The following HOXC12 variants were observed in gnomAD, a reference collection of about 807,000 sequenced individuals.
HOXC12 encodes homeobox C12.
In HOXC12, 24 loss-of-function variants were observed where a neutral mutation model predicts 20.9. That is an observed-to-expected ratio of 1.15 (90% CI 0.83 to 1.61). The LOEUF is 1.61. Among genes scored for constraint, HOXC12 ranks in the 40% most tolerant of loss-of-function variants. The pLI is 0.00. For missense variants in HOXC12, 436 were observed against 406.9 expected, an observed-to-expected ratio of 1.07 and a Z score of -0.62; for synonymous variants, 202 against 197.7, an observed-to-expected ratio of 1.02 and a Z score of -0.18.
chr12:53,955,315 C>A lies in HOXC12; in HGVS notation c.386C>A (p.Pro129Gln), dbSNP rs1022207251. 22 of 1,380,970 alleles carry A rather than the reference C, an allele frequency of 1.6e-5. No individual in the cohort carries two copies. The highest frequency in any genetic ancestry group is 3.1e-5 in the African/African-American group (2 of 65,490). 85.5% of individuals were successfully genotyped at this position (1,380,970 alleles called of 1,614,324 possible). A position where few individuals can be genotyped will look rare whatever the true frequency, so the allele number is the denominator to read the frequency against. Residue 129 changes from proline to glutamine, a missense_variant, in exon 1 of 2, where the codon CCG becomes CAG. By Grantham distance (76) the Pro-to-Gln change is moderately conservative. Coordinates refer to ENST00000243103, the MANE Select transcript of HOXC12 (RefSeq NM_173860.3). ...GPGAALLPLEPSGPPALGFKY... is the reference protein window; with the variant it reads ...GPGAALLPLEQSGPPALGFKY... ...GGGGCAGCGCTGCTCCCGCTGGAGC[C>A]GTCGGGGCCGCCTGCGCTCGGCTTC...
rs1938888778 is a variant in HOXC12, at chr12:53,957,578, CGGT to C, written c.*1013_*1015del. The C allele has an allele frequency of 4.0e-5, 4 of 100,674 alleles. No individual in the cohort carries two copies. Among genetic ancestry groups the C allele is most frequent in the Non-Finnish European group, 2.2e-5 (1 of 45,268 alleles). 6.2% of individuals were successfully genotyped at this position (100,674 alleles called of 1,614,324 possible). A position where few individuals can be genotyped will look rare whatever the true frequency, so the allele number is the denominator to read the frequency against. On this transcript the variant is annotated 3_prime_UTR_variant, in exon 2 of 2. Coordinates refer to ENST00000243103, the MANE Select transcript of HOXC12 (RefSeq NM_173860.3). The stretch of plus-strand genomic sequence containing the variant: ...ATTCTCCCTTCCCCGCTGGCGTTCA[CGGT>C]CACTGCCTCACGGGCCGGCCAGAGG...
At position 53,955,472 on chromosome 12, in the gene HOXC12, C is replaced by A; in HGVS notation, c.543C>A (p.Gly181=). 1 of 1,503,836 alleles carries A rather than the reference C, an allele frequency of 6.6e-7. No individual in the cohort carries two copies. The highest frequency in any genetic ancestry group is 8.8e-7 in the Non-Finnish European group (1 of 1,132,774). 93.2% of individuals were successfully genotyped at this position (1,503,836 alleles called of 1,614,324 possible). ...CCCTGCTCAACGAGGGCAACAAGGG[C>A]GCCGGCGCAGGCGACCCCGGCAGCT... The part of the protein sequence containing the change: ...SSSLLNEGNK[G]AGAGDPGSLV... The change falls in exon 1 of 2, where the codon GGC becomes GGA. Residue 181 remains glycine, a synonymous_variant. Transcript: ENST00000243103.
rs1263450352 is a variant in HOXC12, at chr12:53,957,160, T to C, written c.*594T>C. On this transcript the variant is annotated 3_prime_UTR_variant, in exon 2 of 2. Transcript: ENST00000243103. The stretch of plus-strand genomic sequence containing the variant: ...AAAATGATTAGCAAGAACCAGAGTC[T>C]GCTTGGGTCTGGGTCCCCCAGGACA... The C allele has an allele frequency of 6.6e-6, 1 of 152,534 alleles. No individual in the cohort carries two copies. The highest frequency in any genetic ancestry group is 2.1e-4 in the South Asian group (1 of 4,832). 9.4% of individuals were successfully genotyped at this position (152,534 alleles called of 1,614,324 possible).
rs1036872120 is a variant in HOXC12 at position 53,955,461 on chromosome 12, G to A, written c.532G>A (p.Gly178Ser). ...CTCCAGTTCGTCCCTGCTCAACGAG[G>A]GCAACAAGGGCGCCGGCGCAGGCGA... is the stretch of plus-strand genomic sequence containing the variant. ...SDSSSSLLNE[G>S]NKGAGAGDPG... The change falls in exon 1 of 2, where the codon GGC becomes AGC. Residue 178 changes from glycine (G) to serine (S), a missense_variant. Physicochemically the swap from Gly to Ser is moderately conservative, Grantham distance 56. Coordinates refer to ENST00000243103, the MANE Select transcript of HOXC12 (RefSeq NM_173860.3). 1.5e-5 allele frequency: 23 copies of A among 1,505,020 alleles called. No homozygotes were observed. The African/African-American group carries it at 2.7e-4, about 18-fold the overall frequency. The allele number at this position is 1,505,020 out of a possible 1,614,324, so 93.2% of individuals were successfully genotyped here.
Position 53,958,143 on chromosome 12 carries a change from C to A in HOXC12, c.*1577C>A. On this transcript the variant is annotated 3_prime_UTR_variant, in exon 2 of 2. Transcript: ENST00000243103. Reference sequence around the variant, plus strand: ...GCAGCCTGGACAGTGTGAAACTGGCCTGCTGGCTTGGAGTGTTTCCCATAT... The same window carrying A: ...GCAGCCTGGACAGTGTGAAACTGGCATGCTGGCTTGGAGTGTTTCCCATAT... 6.6e-6 allele frequency: 1 copy of A among 152,292 alleles called. No homozygotes were observed. Among genetic ancestry groups the A allele is most frequent in the East Asian group, 1.9e-4 (1 of 5,200 alleles). 9.4% of individuals were successfully genotyped at this position (152,292 alleles called of 1,614,324 possible). A position where few individuals can be genotyped will look rare whatever the true frequency, so the allele number is the denominator to read the frequency against.
chr12:53,956,176 C>T (rs1938862877), intron 1 of HOXC12, 152 bp from the exon 2 acceptor site: 4 of 592,920 alleles, frequency 6.7e-6, no homozygotes, highest in South Asian at 5.1e-5. Context: ...GTAGAAAAGA[C>T]GATTCAGATG....
intron 1 of HOXC12, 139 bp downstream of exon 1, chr12:53,955,678 G>T: frequency 9.9e-7 from 1 of 1,008,222 alleles, no homozygotes; most frequent in South Asian, 3.4e-5. Context: ...AGTGCGGGTG[G>T]GGGGAGCCTA....
intron 1 of HOXC12, 56 bp from the exon 2 acceptor site, chr12:53,956,272 C>A: frequency 6.9e-7 from 1 of 1,442,582 alleles, no homozygotes; most frequent in Non-Finnish European, 9.4e-7. Context: ...GCCAAGGGCA[C>A]TGGACTGGTC....
rs563289993 is a variant in HOXC12 at position 53,958,595 on chromosome 12, G to A, written c.*2029G>A. 2.6e-5 allele frequency: 4 copies of A among 152,340 alleles called. No individual in the cohort carries two copies. Among genetic ancestry groups the A allele is most frequent in the Non-Finnish European group, 5.9e-5 (4 of 68,062 alleles). The allele number at this position is 152,340 out of a possible 1,614,324, so 9.4% of individuals were successfully genotyped here. A position where few individuals can be genotyped will look rare whatever the true frequency, so the allele number is the denominator to read the frequency against. On this transcript the variant is annotated 3_prime_UTR_variant, in exon 2 of 2. Coordinates refer to ENST00000243103, the MANE Select transcript of HOXC12 (RefSeq NM_173860.3). ...CCCTTCCTGTGACCTCTGGGCTCTA[G>A]GGTGCTGGATTTGAGCTCTACCACT...
chr12:53,958,440 C>G lies in HOXC12; in HGVS notation c.*1874C>G. 1 of 152,340 alleles carries G rather than the reference C, an allele frequency of 6.6e-6. No individual in the cohort carries two copies. The highest frequency in any genetic ancestry group is 1.9e-4 in the East Asian group (1 of 5,198). The allele number at this position is 152,340 out of a possible 1,614,324, so 9.4% of individuals were successfully genotyped here. A position where few individuals can be genotyped will look rare whatever the true frequency, so the allele number is the denominator to read the frequency against. On this transcript the variant is annotated 3_prime_UTR_variant, in exon 2 of 2. Transcript: ENST00000243103. Reference sequence around the variant, plus strand: ...CCTGACAATTCCCCATCCACACATACTTGCTTCACCCATGTACAAGTTCCC... The same window carrying G: ...CCTGACAATTCCCCATCCACACATAGTTGCTTCACCCATGTACAAGTTCCC...
chr12:53,955,824 C>T (rs1177910176), intron 1 of HOXC12, among the ~76,000 whole-genome samples: 2 of 152,052 alleles, frequency 1.3e-5, no homozygotes, highest in Admixed American at 6.5e-5. Flanking sequence ...GAGGTGGGGA[C>T]AGAAAGCCCG....
chr12:53,955,937 A>G (rs1244983603), intron 1 of HOXC12, among the ~76,000 whole-genome samples: 1 of 152,092 alleles, frequency 6.6e-6, no homozygotes, highest in African/African-American at 2.4e-5. Context: ...CCATTCGCCC[A>G]TATCTGTTGT....
rs769724077 is a variant in HOXC12, at chr12:53,955,070, C to A, written c.141C>A (p.Arg47=). The stretch of plus-strand genomic sequence containing the variant: ...TGCCTTCGCTGTCCTACCCACGCCG[C>A]GACAACGTGTGCTCCCTGTCCTGGC... The part of the protein sequence containing the change: ...PGLPSLSYPR[R]DNVCSLSWPS... The change falls in exon 1 of 2, where the codon CGC becomes CGA. Residue 47 remains arginine, a synonymous_variant. Transcript: ENST00000243103. 1.2e-6 allele frequency: 2 copies of A among 1,613,524 alleles called. No homozygotes were observed. Among genetic ancestry groups the A allele is most frequent in the Non-Finnish European group, 8.5e-7 (1 of 1,179,818 alleles).
chr12:53,955,003 A>G lies in HOXC12; in HGVS notation c.74A>G (p.Tyr25Cys), dbSNP rs143512230. 9.9e-6 allele frequency: 16 copies of G among 1,614,138 alleles called. No homozygotes were observed. Among genetic ancestry groups the G allele is most frequent in the Non-Finnish European group, 1.3e-5 (15 of 1,180,010 alleles). ...AACATCCACACGGGAGACACCTTCT[A>G]CTTCCCCAACTTCCGCGCGTCCGGG... is the stretch of plus-strand genomic sequence containing the variant. Reference protein sequence around the residue: ...LVNIHTGDTFYFPNFRASGAQ... With the variant: ...LVNIHTGDTFCFPNFRASGAQ... Residue 25 changes from tyrosine (Y) to cysteine (C), a missense_variant, in exon 1 of 2, where the codon TAC becomes TGC. Tyr to Cys is a radical substitution (Grantham distance 194). Coordinates refer to ENST00000243103, the MANE Select transcript of HOXC12 (RefSeq NM_173860.3).
In HOXC12 at chr12:53,955,525, GGC is replaced by G; in HGVS notation, c.597_598del (p.Ser201GlyfsTer53). On this transcript the variant is annotated frameshift_variant, in exon 1 of 2. Transcript: ENST00000243103. LOFTEE classifies it high-confidence loss of function. ...GTATCGCCGTTGAACCCCGGCGGCG[GGC>G]TCTCGGCCAGCGGTAAGGACCCCGG... 8.2e-6 allele frequency: 12 copies of G among 1,465,800 alleles called. No homozygotes were observed. The highest frequency in any genetic ancestry group is 1.1e-5 in the Non-Finnish European group (12 of 1,113,296). The allele number at this position is 1,465,800 out of a possible 1,614,324, so 90.8% of individuals were successfully genotyped here.
chr12:53,955,388 C>G lies in HOXC12; in HGVS notation c.459C>G (p.Gly153=), dbSNP rs766532491. The G allele has an allele frequency of 3.8e-5, 57 of 1,491,112 alleles. No individual in the cohort carries two copies. Among genetic ancestry groups the G allele is most frequent in the Non-Finnish European group, 4.5e-5 (51 of 1,127,400 alleles). The allele number at this position is 1,491,112 out of a possible 1,614,324, so 92.4% of individuals were successfully genotyped here. Residue 153 remains glycine, a synonymous_variant, in exon 1 of 2, where the codon GGC becomes GGG. Coordinates refer to ENST00000243103, the MANE Select transcript of HOXC12 (RefSeq NM_173860.3). ...AGGGGGDGGG[G]AGPPHDPPSC... is the part of the protein sequence containing the mutation. ...GCGGCGGTGGCGACGGCGGCGGCGGCGCAGGACCTCCGCACGACCCGCCCT... is the reference window on the plus strand; with the variant it reads ...GCGGCGGTGGCGACGGCGGCGGCGGGGCAGGACCTCCGCACGACCCGCCCT...
Position 53,955,086 on chromosome 12 carries a change from C to T in HOXC12, c.157C>T (p.Leu53=). The change falls in exon 1 of 2, where the codon CTG becomes TTG. Residue 53 remains leucine, a synonymous_variant. Coordinates refer to ENST00000243103, the MANE Select transcript of HOXC12 (RefSeq NM_173860.3). ...SYPRRDNVCS[L]SWPSAEPCNG... ...CCCACGCCGCGACAACGTGTGCTCC[C>T]TGTCCTGGCCGTCGGCGGAGCCGTG... The T allele has an allele frequency of 1.2e-6, 2 of 1,613,132 alleles. No individual in the cohort carries two copies. The highest frequency in any genetic ancestry group is 2.2e-5 in the South Asian group (2 of 90,966).
rs1425786714 is a variant in HOXC12 at position 53,956,785 on chromosome 12, G to A, written c.*219G>A. On this transcript the variant is annotated 3_prime_UTR_variant, in exon 2 of 2. Transcript: ENST00000243103. ...AAGGGAAGAAACCTAGCCAGGGAGAGCAGAAGCCGGCAGCTGCCTGCGGTT... is the reference window on the plus strand; with the variant it reads ...AAGGGAAGAAACCTAGCCAGGGAGAACAGAAGCCGGCAGCTGCCTGCGGTT... 2.4e-6 allele frequency: 1 copy of A among 417,360 alleles called. No individual in the cohort carries two copies. The highest frequency in any genetic ancestry group is 3.8e-5 in the East Asian group (1 of 26,562). The allele number at this position is 417,360 out of a possible 1,614,324, so 25.9% of individuals were successfully genotyped here.
rs1311317977 is a variant in HOXC12 at position 53,955,290 on chromosome 12, G to C, written c.361G>C (p.Gly121Arg). 2 of 1,400,174 alleles carry C rather than the reference G, an allele frequency of 1.4e-6. No homozygotes were observed. The highest frequency in any genetic ancestry group is 3.0e-5 in the African/African-American group (2 of 65,938). 86.7% of individuals were successfully genotyped at this position (1,400,174 alleles called of 1,614,324 possible). The part of the protein sequence containing the change: ...ERGRDPGAGP[G>R]AALLPLEPSG... ...CGGGCGCGACCCGGGAGCCGGGCCC[G>C]GGGCAGCGCTGCTCCCGCTGGAGCC... Residue 121 changes from glycine (G) to arginine (R), a missense_variant, in exon 1 of 2, where the codon GGG becomes CGG. Coordinates refer to ENST00000243103, the MANE Select transcript of HOXC12 (RefSeq NM_173860.3).
Sources: allele counts gnomAD v4.1 joint callset (sites outside exome capture counted in the v4.1 genomes callset), GRCh38; gene constraint gnomAD v4.1.1; transcripts MANE v1.5; gene names NCBI Gene and HGNC (gene_info 2026-07-23, HGNC 2026-07-21).